PTPRM: variants seen among roughly 807,000 people sequenced by gnomAD.
PTPRM encodes the protein protein tyrosine phosphatase receptor type M.
PTPRM carries 47 observed loss-of-function variants against 186.7 expected under a neutral mutation model. The observed-to-expected ratio is 0.25, with a 90% CI of 0.20 to 0.32. The LOEUF is 0.32. Among genes scored for constraint, PTPRM ranks in the 10% least tolerant of loss-of-function variants. The probability of loss-of-function intolerance (pLI) is 1.00; values close to 1 mark genes in which losing one functional copy is unlikely to be tolerated. For missense variants in PTPRM, 1,494 were observed against 1,865.0 expected (o/e 0.80, Z 3.66); for synonymous variants, 668 against 674.9 (o/e 0.99, Z 0.16).
chr18:7,628,949 T>A (rs1453600833), intron 1 of PTPRM, among the ~76,000 whole-genome samples: 1 of 152,212 alleles, frequency 6.6e-6, no homozygotes, highest in Non-Finnish European at 1.5e-5. Context: ...CCAGCTCATC[T>A]CCATCTACGT....
chr18:7,644,689 GA>G (rs1442219722), intron 1 of PTPRM, among the ~76,000 whole-genome samples: 1 of 151,756 alleles, frequency 6.6e-6, no homozygotes, highest in Non-Finnish European at 1.5e-5. Context: ...CAAGCCAGCT[GA>G]AAAAAAATTG....
At chr18:7,787,256 T>C (rs1322322572) in intron 2 of PTPRM, among the ~76,000 whole-genome samples, 1 of 152,216 alleles carries the variant, frequency 6.6e-6, no homozygotes, top group Non-Finnish European at 1.5e-5. Flanking sequence ...GAAATGTGTT[T>C]GGTGTTAGAC....
At chr18:7,769,722 T>C (rs2042184889) in intron 1 of PTPRM, among the ~76,000 whole-genome samples, 1 of 152,186 alleles carries the variant, frequency 6.6e-6, no homozygotes, top group South Asian at 2.1e-4. Flanking sequence ...TGGAACAGTA[T>C]AGGAATCATC....
At chr18:8,185,456 C>T (rs541816686) in intron 14 of PTPRM, among the ~76,000 whole-genome samples, 14 of 152,310 alleles carry the variant, frequency 9.2e-5, no homozygotes, top group Middle Eastern at 3.4e-3. Context: ...GCTGGGGTCG[C>T]GAGCCAGGCA....
At chr18:7,993,541 A>AT (rs1315003593) in intron 7 of PTPRM, among the ~76,000 whole-genome samples, 2 of 152,138 alleles carry the variant, frequency 1.3e-5, no homozygotes, top group Non-Finnish European at 2.9e-5. Context: ...AGCTGAAACC[A>AT]TATAGGTCAG....
chr18:8,210,804 G>C (rs2093993100), intron 14 of PTPRM, among the ~76,000 whole-genome samples: 1 of 152,198 alleles, frequency 6.6e-6, no homozygotes, highest in African/African-American at 2.4e-5. Flanking sequence ...AAAGGGTTTG[G>C]GAGTTGAGGA....
intron 2 of PTPRM, 88 bp from the exon 3 acceptor site, chr18:7,888,018 G>A: frequency 1.3e-6 from 2 of 1,518,294 alleles, no homozygotes; most frequent in Non-Finnish European, 1.8e-6. Context: ...GAATTGCAGT[G>A]CCAACCCATG....
intron 13 of PTPRM, among the ~76,000 whole-genome samples, chr18:8,142,891 C>T (rs546917316): frequency 3.3e-4 from 50 of 152,310 alleles, no homozygotes; most frequent in Non-Finnish European, 6.5e-4. Flanking sequence ...ATGGATTTGA[C>T]ATTCCATTAC....
At chr18:8,215,322 G>A (rs1270891428) in intron 14 of PTPRM, among the ~76,000 whole-genome samples, 2 of 151,596 alleles carry the variant, frequency 1.3e-5, no homozygotes, top group Non-Finnish European at 2.9e-5. Context: ...TCTCCTGCTT[G>A]GCAGAAACTT....
intron 31 of PTPRM, among the ~76,000 whole-genome samples, chr18:8,393,987 T>G (rs1435902801): frequency 2.0e-5 from 3 of 152,158 alleles, no homozygotes; most frequent in African/African-American, 7.2e-5. Flanking sequence ...GCGATGGGGT[T>G]TCACCGTGTT....
At chr18:8,120,188 G>C (rs1420088281) in intron 13 of PTPRM, among the ~76,000 whole-genome samples, 2 of 152,120 alleles carry the variant, frequency 1.3e-5, no homozygotes, top group Non-Finnish European at 2.9e-5. Flanking sequence ...GCAGGTGGTA[G>C]GCCTGCTGGC....
chr18:8,234,710 G>A (rs1179775998), intron 14 of PTPRM, among the ~76,000 whole-genome samples: 1 of 149,980 alleles, frequency 6.7e-6, no homozygotes, highest in African/African-American at 2.4e-5. Flanking sequence ...TATAATATTA[G>A]CTATAGCGTT....
intron 5 of PTPRM, among the ~76,000 whole-genome samples, chr18:7,931,571 C>T (rs1428246412): frequency 2.0e-5 from 3 of 152,054 alleles, no homozygotes; most frequent in South Asian, 2.1e-4. Flanking sequence ...TGTGGTGGCA[C>T]GTGCCTGTAG....
intron 7 of PTPRM, among the ~76,000 whole-genome samples, chr18:7,972,337 G>T (rs1410778099): frequency 7.9e-6 from 1 of 127,246 alleles, no homozygotes; most frequent in Non-Finnish European, 1.6e-5. Flanking sequence ...GGGAGGGATA[G>T]CATTGGGAGA....
intron 7 of PTPRM, among the ~76,000 whole-genome samples, chr18:7,991,791 G>A (rs942668717): frequency 6.6e-6 from 1 of 152,092 alleles, no homozygotes; most frequent in African/African-American, 2.4e-5. Context: ...AAAATGAGCA[G>A]TGAATGTTAT....
intron 1 of PTPRM, among the ~76,000 whole-genome samples, chr18:7,719,005 A>G (rs1220137400): frequency 2.6e-5 from 4 of 152,218 alleles, no homozygotes; most frequent in African/African-American, 9.6e-5. Context: ...CTAAAGAACT[A>G]AAAGTAGATC....
intron 7 of PTPRM, among the ~76,000 whole-genome samples, chr18:7,987,693 A>T (rs1006871948): frequency 1.3e-5 from 2 of 152,176 alleles, no homozygotes; most frequent in Non-Finnish European, 2.9e-5. Flanking sequence ...AAAACTCATA[A>T]AAAGTAAGTA....
chr18:8,328,580 A>G (rs960570304), intron 22 of PTPRM, among the ~76,000 whole-genome samples: 2 of 152,252 alleles, frequency 1.3e-5, no homozygotes, highest in African/African-American at 4.8e-5. Context: ...AGACTAATTT[A>G]AAAGTATTAC....
intron 14 of PTPRM, among the ~76,000 whole-genome samples, chr18:8,154,309 T>G (rs2093074159): frequency 1.3e-5 from 2 of 152,218 alleles, no homozygotes; most frequent in African/African-American, 4.8e-5. Context: ...TTTGCACTCA[T>G]TCCTGTGTGG....
Sources: gnomAD v4.1 joint callset for allele counts (sites outside exome capture counted in the v4.1 genomes callset) on GRCh38, gnomAD v4.1.1 for gene constraint, MANE v1.5 for transcripts, NCBI Gene and HGNC (gene_info 2026-07-23, HGNC 2026-07-21) for gene names.